Variants in SGMS1 observed in about 807,000 individuals in gnomAD.
SGMS1 encodes the protein sphingomyelin synthase 1.
SGMS1 carries 13 observed loss-of-function variants against 46.2 expected under a neutral mutation model. The ratio of observed to expected loss-of-function variants is 0.28; its 90% CI spans 0.18 to 0.45. The LOEUF is 0.45. Among genes scored for constraint, SGMS1 ranks in the 20% least tolerant of loss-of-function variants. The pLI, the probability that SGMS1 is intolerant of heterozygous loss-of-function variation, is 1.00. For synonymous variants in SGMS1, 203 were observed against 187.8 expected, an observed-to-expected ratio of 1.08 and a Z score of -0.66; for missense variants, 324 against 519.9, an observed-to-expected ratio of 0.62 and a Z score of 3.66.
intron 2 of SGMS1, among the ~76,000 whole-genome samples, chr10:50,527,801 C>T (rs1229269500): frequency 6.6e-6 from 1 of 152,164 alleles, no homozygotes; most frequent in African/African-American, 2.4e-5. Flanking sequence ...GCCATCTTCT[C>T]AGTTATTTAA....
intron 6 of SGMS1, among the ~76,000 whole-genome samples, chr10:50,414,615 A>C (rs965859907): frequency 6.6e-6 from 1 of 152,244 alleles, no homozygotes; most frequent in Non-Finnish European, 1.5e-5. Flanking sequence ...CCTCTAAGGT[A>C]GGTATTATTA....
intron 6 of SGMS1, among the ~76,000 whole-genome samples, chr10:50,420,122 T>A (rs915287679): frequency 7.2e-5 from 11 of 152,188 alleles, no homozygotes; most frequent in East Asian, 5.8e-4. Flanking sequence ...CTCACATTTA[T>A]CCTTAGCAAC....
intron 2 of SGMS1, among the ~76,000 whole-genome samples, chr10:50,572,767 G>T (rs1838347073): frequency 6.6e-6 from 1 of 152,126 alleles, no homozygotes; most frequent in Admixed American, 6.5e-5. Context: ...GTTAGAAAAA[G>T]ATCCTTTTTG....
upstream of SGMS1, chr10:50,624,181 C>A (rs1838889621): frequency 1.0e-6 from 1 of 965,994 alleles, no homozygotes; most frequent in African/African-American, 1.8e-5. Flanking sequence ...GGCGCTTTCC[C>A]CAGCGTTTTT....
At chr10:50,455,308 A>C (rs955074595) in intron 5 of SGMS1, among the ~76,000 whole-genome samples, 1 of 152,166 alleles carries the variant, frequency 6.6e-6, no homozygotes, top group African/African-American at 2.4e-5. Flanking sequence ...TATGTTTGCA[A>C]ATTGGTCATA....
chr10:50,471,855 C>T (rs1042102032), intron 3 of SGMS1, among the ~76,000 whole-genome samples: 1 of 152,120 alleles, frequency 6.6e-6, no homozygotes, highest in African/African-American at 2.4e-5. Flanking sequence ...AAATCCTTAC[C>T]CACAGATATA....
At chr10:50,368,848 C>T (rs140450262) in intron 6 of SGMS1, among the ~76,000 whole-genome samples, 8 of 152,266 alleles carry the variant, frequency 5.3e-5, no homozygotes, top group South Asian at 4.1e-4. Context: ...TGAACAAACA[C>T]GGCCAAGGCT....
intron 1 of SGMS1, among the ~76,000 whole-genome samples, chr10:50,622,758 G>A (rs980516590): frequency 6.6e-6 from 1 of 152,166 alleles, no homozygotes. Flanking sequence ...TCTACTTCGC[G>A]GCACCAAAGA....
intron 3 of SGMS1, among the ~76,000 whole-genome samples, chr10:50,488,357 C>T (rs139824213): frequency 1.4e-3 from 217 of 152,212 alleles, no homozygotes; most frequent in Middle Eastern, 6.8e-3. Context: ...AACCCAATTT[C>T]ACATAGTCTT....
At chr10:50,308,374 T>C (rs1847206810) in intron 9 of SGMS1, among the ~76,000 whole-genome samples, 1 of 152,212 alleles carries the variant, frequency 6.6e-6, no homozygotes, top group African/African-American at 2.4e-5. Context: ...TGGTTCTTAC[T>C]TGATTCATAC....
chr10:50,567,901 T>C (rs1838303957), intron 2 of SGMS1, among the ~76,000 whole-genome samples: 2 of 151,794 alleles, frequency 1.3e-5, no homozygotes, highest in African/African-American at 4.8e-5. Context: ...TAAACCACTG[T>C]ATTTCTTATT....
intron 6 of SGMS1, among the ~76,000 whole-genome samples, chr10:50,432,231 C>T (rs932419639): frequency 1.3e-5 from 2 of 152,244 alleles, no homozygotes; most frequent in Admixed American, 6.5e-5. Flanking sequence ...GGTTGTTAAA[C>T]ACAGTCATTA....
At chr10:50,580,424 A>ACCCCC (rs113101457) in intron 2 of SGMS1, among the ~76,000 whole-genome samples, 1 of 148,008 alleles carries the variant, frequency 6.8e-6, no homozygotes, top group African/African-American at 2.5e-5. Context: ...CAAGTTAGGG[A>ACCCCC]CCCCCCCCCA....
intron 6 of SGMS1, among the ~76,000 whole-genome samples, chr10:50,372,298 C>A (rs925049353): frequency 6.6e-6 from 1 of 152,162 alleles, no homozygotes; most frequent in African/African-American, 2.4e-5. Context: ...TATTAACTTC[C>A]TTAAAACTTA....
chr10:50,485,243 A>T (rs1837510089), intron 3 of SGMS1, among the ~76,000 whole-genome samples: 1 of 152,206 alleles, frequency 6.6e-6, no homozygotes. Flanking sequence ...GCATTCCTAT[A>T]CACCAACAGC....
At chr10:50,380,958 G>A (rs891116566) in intron 6 of SGMS1, among the ~76,000 whole-genome samples, 1 of 151,030 alleles carries the variant, frequency 6.6e-6, no homozygotes, top group Admixed American at 6.6e-5. Context: ...AGCCTCCTGA[G>A]TAGCTGGGAC....
intron 1 of SGMS1, among the ~76,000 whole-genome samples, chr10:50,603,683 G>A (rs1339962943): frequency 6.6e-6 from 1 of 152,212 alleles, no homozygotes; most frequent in Non-Finnish European, 1.5e-5. Context: ...AACACTGCAT[G>A]ATTGTTTTAA....
intron 3 of SGMS1, among the ~76,000 whole-genome samples, chr10:50,474,793 C>T (rs1022836931): frequency 6.6e-6 from 1 of 152,076 alleles, no homozygotes; most frequent in Non-Finnish European, 1.5e-5. Flanking sequence ...GAGTGCTATC[C>T]ATTTAGTCAT....
chr10:50,387,050 C>T (rs184157146), intron 6 of SGMS1, among the ~76,000 whole-genome samples: 28 of 152,252 alleles, frequency 1.8e-4, no homozygotes, highest in Non-Finnish European at 2.5e-4. Context: ...ACATGTTGAG[C>T]GGAGGAGTCC....
Sources: allele counts gnomAD v4.1 joint callset (sites outside exome capture counted in the v4.1 genomes callset), GRCh38; gene constraint gnomAD v4.1.1; transcripts MANE v1.5; gene names NCBI Gene and HGNC (gene_info 2026-07-23, HGNC 2026-07-21).